Variants in CSMD1 observed in about 807,000 individuals in gnomAD.
The protein encoded by CSMD1 is CUB and sushi domain-containing protein 1.
In CSMD1, 213 loss-of-function variants were observed where a neutral mutation model predicts 417.5. That is an observed-to-expected ratio of 0.51 (90% CI 0.46 to 0.57). CSMD1 has a LOEUF of 0.57. CSMD1 is among the 20% of genes least tolerant of loss of function. CSMD1 has a pLI of 0.00. For missense variants in CSMD1, 6,923 were observed against 4,529.7 expected, an observed-to-expected ratio of 1.53 and a Z score of -15.17; for synonymous variants, 2,862 against 1,736.8, an observed-to-expected ratio of 1.65 and a Z score of -16.11.
chr8:4,235,979 C>A (rs1184923699), intron 3 of CSMD1, among the ~76,000 whole-genome samples: 1 of 148,624 alleles, frequency 6.7e-6, no homozygotes, highest in Middle Eastern at 3.6e-3. Flanking sequence ...AGCTACCTAG[C>A]AAGTGATTCG....
chr8:4,368,929 T>A (rs571778351), intron 3 of CSMD1, among the ~76,000 whole-genome samples: 2 of 152,146 alleles, frequency 1.3e-5, no homozygotes, highest in African/African-American at 2.4e-5. Flanking sequence ...ATCTCTTATA[T>A]GGATTTTAGC....
At chr8:3,145,325 T>A (rs540941490) in intron 40 of CSMD1, among the ~76,000 whole-genome samples, 100 of 152,278 alleles carry the variant, frequency 6.6e-4, no homozygotes, top group Non-Finnish European at 1.1e-3. Flanking sequence ...GAGAATGTGC[T>A]CACTTCAGAT....
At chr8:4,239,136 C>T (rs1191183327) in intron 3 of CSMD1, among the ~76,000 whole-genome samples, 1 of 152,168 alleles carries the variant, frequency 6.6e-6, no homozygotes, top group African/African-American at 2.4e-5. Context: ...ACAATTTACT[C>T]CCCAATTAAA....
intron 3 of CSMD1, among the ~76,000 whole-genome samples, chr8:4,043,151 T>TA (rs1343789343): frequency 5.9e-5 from 9 of 151,440 alleles, no homozygotes; most frequent in South Asian, 2.1e-4. Flanking sequence ...AACAAAACAA[T>TA]AAAAAAAGCA....
intron 3 of CSMD1, among the ~76,000 whole-genome samples, chr8:4,398,729 T>G (rs1234883347): frequency 6.6e-6 from 1 of 152,164 alleles, no homozygotes; most frequent in African/African-American, 2.4e-5. Context: ...TTCAAACAAA[T>G]GCTAACAGAT....
chr8:4,261,030 C>G (rs1235309052), intron 3 of CSMD1, among the ~76,000 whole-genome samples: 3 of 152,192 alleles, frequency 2.0e-5, no homozygotes, highest in South Asian at 2.1e-4. Context: ...GTAGACATCA[C>G]TTACTATGCT....
chr8:3,129,064 T>C (rs1349488910), intron 41 of CSMD1, among the ~76,000 whole-genome samples: 1 of 152,120 alleles, frequency 6.6e-6, no homozygotes, highest in African/African-American at 2.4e-5. Flanking sequence ...TTTCTAACGC[T>C]CAAAGGCCAC....
intron 1 of CSMD1, among the ~76,000 whole-genome samples, chr8:4,816,651 C>G (rs1033015522): frequency 6.6e-6 from 1 of 152,190 alleles, no homozygotes; most frequent in Non-Finnish European, 1.5e-5. Context: ...TATGGCTCTA[C>G]AATTCCCACT....
At chr8:4,722,080 G>A (rs1379746013) in intron 1 of CSMD1, among the ~76,000 whole-genome samples, 1 of 152,044 alleles carries the variant, frequency 6.6e-6, no homozygotes, top group Non-Finnish European at 1.5e-5. Context: ...AATAAGTCAA[G>A]AAATCTAATA....
intron 3 of CSMD1, among the ~76,000 whole-genome samples, chr8:4,407,439 G>C (rs528876563): frequency 7.9e-5 from 12 of 152,292 alleles, no homozygotes; most frequent in African/African-American, 2.9e-4. Flanking sequence ...TGAATTAAAT[G>C]TGATTAAATC....
At chr8:4,815,264 T>A (rs571882484) in intron 1 of CSMD1, among the ~76,000 whole-genome samples, 3 of 152,238 alleles carry the variant, frequency 2.0e-5, no homozygotes, top group Admixed American at 2.0e-4. Context: ...TTTATTTGAA[T>A]TGGCTTCAAA....
At chr8:4,451,361 G>A (rs1011128792) in intron 2 of CSMD1, among the ~76,000 whole-genome samples, 3 of 152,170 alleles carry the variant, frequency 2.0e-5, no homozygotes, top group South Asian at 2.1e-4. Flanking sequence ...AAATAATAAG[G>A]CAATCACAAG....
intron 1 of CSMD1, among the ~76,000 whole-genome samples, chr8:4,986,260 C>T (rs1258806044): frequency 6.6e-6 from 1 of 152,134 alleles, no homozygotes. Flanking sequence ...ACAGTTATGT[C>T]ACTAACTATC....
chr8:4,411,743 G>T (rs942021018), intron 3 of CSMD1, among the ~76,000 whole-genome samples: 3 of 152,076 alleles, frequency 2.0e-5, no homozygotes, highest in Non-Finnish European at 4.4e-5. Context: ...ACATATAGAC[G>T]TTCACATACC....
intron 2 of CSMD1, among the ~76,000 whole-genome samples, chr8:4,510,662 T>C (rs1802775649): frequency 7.5e-6 from 1 of 132,834 alleles, no homozygotes; most frequent in Non-Finnish European, 1.6e-5. Context: ...CTTCCTTCCG[T>C]CTTCCTTTCC....
At chr8:4,658,528 T>C (rs566088362) in intron 1 of CSMD1, among the ~76,000 whole-genome samples, 4 of 152,160 alleles carry the variant, frequency 2.6e-5, no homozygotes, top group East Asian at 3.9e-4. Flanking sequence ...CAGCAAACTA[T>C]GCTTCAGAAA....
chr8:3,495,590 A>G (rs1796331814), intron 10 of CSMD1, among the ~76,000 whole-genome samples: 1 of 152,216 alleles, frequency 6.6e-6, no homozygotes, highest in Admixed American at 6.5e-5. Flanking sequence ...CTCAGTAAAA[A>G]CAGAAAATGC....
Position 3,631,729 on chromosome 8 carries a change from T to C in CSMD1, c.1010-14932A>G, listed in dbSNP as rs115042208. ...ATTTTACTGTTCGAGAAAAACTCTC[T>C]GAGAATAGCATTTGATTAAATAAAG... On this transcript the variant is annotated intron_variant, in intron 7 of 69. Coordinates refer to ENST00000635120, the MANE Select transcript of CSMD1 (RefSeq NM_033225.6). Among the ~76,000 whole-genome samples, 672 of 152,352 alleles carry C rather than the reference T, an allele frequency of 4.4e-3. 9 individuals are homozygous for C. Among genetic ancestry groups the C allele is most frequent in the African/African-American group, 0.016 (652 of 41,580 alleles).
At chr8:4,702,231 C>T (rs1158347291) in intron 1 of CSMD1, among the ~76,000 whole-genome samples, 5 of 152,088 alleles carry the variant, frequency 3.3e-5, no homozygotes, top group Non-Finnish European at 7.4e-5. Flanking sequence ...TTGGAACAAA[C>T]CTGTGCATGT....
Sources: allele counts gnomAD v4.1 joint callset (sites outside exome capture counted in the v4.1 genomes callset), GRCh38; gene constraint gnomAD v4.1.1; transcripts MANE v1.5; gene names NCBI Gene and HGNC (gene_info 2026-07-23, HGNC 2026-07-21).